OTULIN: variants seen among roughly 807,000 people sequenced by gnomAD.
OTULIN encodes OTU deubiquitinase with linear linkage specificity.
A neutral mutation model predicts 39.6 loss-of-function variants in OTULIN; 15 were observed. The ratio of observed to expected loss-of-function variants is 0.38; its 90% CI spans 0.25 to 0.58. The LOEUF is 0.58. Ranked by LOEUF, OTULIN falls within the 20% of genes least tolerant of loss-of-function variation. The pLI is 0.66. For missense variants in OTULIN, 319 were observed against 445.9 expected (o/e 0.72, Z 2.56); for synonymous variants, 156 against 170.3 (o/e 0.92, Z 0.65).
chr5:14,676,394 TG>T (rs1736105213), intron 2 of OTULIN, among the ~76,000 whole-genome samples: 1 of 152,260 alleles, frequency 6.6e-6, no homozygotes, highest in African/African-American at 2.4e-5. Flanking sequence ...GCTCCTAGCC[TG>T]GTACCTGGCA....
chr5:14,715,922 C>T, the OTULIN span, among the ~76,000 whole-genome samples: 85 of 152,372 alleles, frequency 5.6e-4, no homozygotes, highest in Non-Finnish European at 1.0e-3. Context: ...GCCTCAGGTT[C>T]CCCTGGAGTC....
At chr5:14,713,028 C>T in the OTULIN span, 2 of 1,523,504 alleles carry the variant, frequency 1.3e-6, no homozygotes, top group Admixed American at 3.7e-5. The surrounding 1 kb of genome is among the most constrained non-coding windows in gnomAD (Gnocchi z 4.4). Flanking sequence ...CAAGGCACAA[C>T]CGTCGATGCC....
intron 3 of OTULIN, among the ~76,000 whole-genome samples, chr5:14,680,159 G>A (rs1268036276): frequency 6.6e-6 from 1 of 152,196 alleles, no homozygotes; most frequent in Non-Finnish European, 1.5e-5. Flanking sequence ...ATTTGCATAA[G>A]TATTCTGGGG....
rs575905531 is a variant in OTULIN, at chr5:14,698,331, C to T, written c.*5283C>T. 11 of 152,376 alleles carry T rather than the reference C, an allele frequency of 7.2e-5. No homozygotes were observed. In the East Asian group the frequency reaches 2.1e-3, roughly 29 times the overall value. 9.4% of individuals were successfully genotyped at this position (152,376 alleles called of 1,614,324 possible). A position where few individuals can be genotyped will look rare whatever the true frequency, so the allele number is the denominator to read the frequency against. ...TTGTTTAGCAGTGCCTCTGTTTACA[C>T]CATAAGATGTTCCGCATGTGTCCAA... On this transcript the variant is annotated 3_prime_UTR_variant, in exon 7 of 7. Coordinates refer to ENST00000284274, the MANE Select transcript of OTULIN (RefSeq NM_138348.6).
intron 1 of OTULIN, 49 bp from the exon 2 acceptor site, chr5:14,673,593 A>G: frequency 6.4e-7 from 1 of 1,559,140 alleles, no homozygotes; most frequent in Admixed American, 1.7e-5. Flanking sequence ...AGGACGGAAA[A>G]TGTCAGTGCA....
At chr5:14,685,599 G>C (rs913664481) in intron 4 of OTULIN, among the ~76,000 whole-genome samples, 3 of 152,072 alleles carry the variant, frequency 2.0e-5, no homozygotes, top group Non-Finnish European at 4.4e-5. Context: ...TGCATTTCCT[G>C]GAAGTCTACA....
chr5:14,692,694 T>TA (rs58615359), intron 6 of OTULIN, among the ~76,000 whole-genome samples, 160 bp from the exon 7 acceptor site: 3 of 151,654 alleles, frequency 2.0e-5, no homozygotes, highest in Non-Finnish European at 4.4e-5. Context: ...TTTTTTTTTT[T>TA]ATTTAAATCG....
chr5:14,685,264 A>G lies in OTULIN; in HGVS notation c.469-2257A>G, dbSNP rs573302905. Among the ~76,000 whole-genome samples the G allele has an allele frequency of 1.1e-4, 16 of 152,326 alleles. No homozygotes were observed. In the South Asian group the frequency reaches 2.3e-3, roughly 22 times the overall value. ...GCTTTCTGTTGTGGTATCAAGAATT[A>G]CCGGCATATGCTAGAGAAAACAGGC... On this transcript the variant is annotated intron_variant, in intron 4 of 6. Coordinates refer to ENST00000284274, the MANE Select transcript of OTULIN (RefSeq NM_138348.6).
intron 4 of OTULIN, among the ~76,000 whole-genome samples, chr5:14,682,232 A>C (rs1736268932): frequency 6.6e-6 from 1 of 152,256 alleles, no homozygotes; most frequent in African/African-American, 2.4e-5. Flanking sequence ...CTATCCTGAA[A>C]GATTTTTTGG....
chr5:14,686,177 A>G (rs1449327447), intron 4 of OTULIN, among the ~76,000 whole-genome samples: 1 of 152,234 alleles, frequency 6.6e-6, no homozygotes, highest in Admixed American at 6.5e-5. Flanking sequence ...GTACCACCAG[A>G]ATTACTATTT....
intron 2 of OTULIN, among the ~76,000 whole-genome samples, chr5:14,676,855 C>G (rs1308863363): frequency 6.6e-6 from 1 of 152,108 alleles, no homozygotes; most frequent in Non-Finnish European, 1.5e-5. Context: ...ATGCTTCCAT[C>G]CACTAAGTAG....
chr5:14,676,590 C>A (rs1269627583), intron 2 of OTULIN, among the ~76,000 whole-genome samples: 1 of 152,232 alleles, frequency 6.6e-6, no homozygotes, highest in Admixed American at 6.5e-5. Flanking sequence ...TGCCTCCTCC[C>A]CTCAGTCATG....
At chr5:14,679,273 G>A (rs1322179407) in intron 3 of OTULIN, among the ~76,000 whole-genome samples, 1 of 152,138 alleles carries the variant, frequency 6.6e-6, no homozygotes, top group Non-Finnish European at 1.5e-5. Flanking sequence ...GATGACATTG[G>A]AGATTCATAT....
In OTULIN at chr5:14,693,109, T is replaced by C; in HGVS notation, c.*61T>C. On this transcript the variant is annotated 3_prime_UTR_variant, in exon 7 of 7. Coordinates refer to ENST00000284274, the MANE Select transcript of OTULIN (RefSeq NM_138348.6). ...AAGATGCACAGGTGGCTCCTGGGCT[T>C]GGGCTGCAGGTTTGGGGGTCTCTAA... The C allele has an allele frequency of 1.3e-6, 2 of 1,496,176 alleles. No homozygotes were observed. The highest frequency in any genetic ancestry group is 5.0e-5 in the East Asian group (2 of 40,330). The allele number at this position is 1,496,176 out of a possible 1,614,324, so 92.7% of individuals were successfully genotyped here. A position where few individuals can be genotyped will look rare whatever the true frequency, so the allele number is the denominator to read the frequency against.
At chr5:14,712,257 CT>C in the OTULIN span, among the ~76,000 whole-genome samples, 1 of 152,266 alleles carries the variant, frequency 6.6e-6, no homozygotes, top group Admixed American at 6.5e-5. Context: ...GGCCGTCACT[CT>C]GCTGCCCCGG....
intron 2 of OTULIN, among the ~76,000 whole-genome samples, chr5:14,677,690 G>A (rs1412844308): frequency 6.6e-6 from 1 of 152,084 alleles, no homozygotes; most frequent in Non-Finnish European, 1.5e-5. Flanking sequence ...GTTAGAGTCA[G>A]GTGAGGTCTG....
rs1318529887 is a variant in OTULIN, at chr5:14,693,686, T to C, written c.*638T>C. On this transcript the variant is annotated 3_prime_UTR_variant, in exon 7 of 7. Transcript: ENST00000284274. ...ACTTACATCTTAATTAAGGCTATTTTAAGCAGATTGTTTTGCAACAGATTA... is the reference window on the plus strand; with the variant it reads ...ACTTACATCTTAATTAAGGCTATTTCAAGCAGATTGTTTTGCAACAGATTA... 3 of 152,374 alleles carry C rather than the reference T, an allele frequency of 2.0e-5. No homozygotes were observed. Among genetic ancestry groups the C allele is most frequent in the African/African-American group, 4.8e-5 (2 of 41,600 alleles). 9.4% of individuals were successfully genotyped at this position (152,374 alleles called of 1,614,324 possible). A position where few individuals can be genotyped will look rare whatever the true frequency, so the allele number is the denominator to read the frequency against.
intron 6 of OTULIN, among the ~76,000 whole-genome samples, chr5:14,691,193 C>T (rs1031459775): frequency 1.3e-5 from 2 of 152,198 alleles, no homozygotes; most frequent in African/African-American, 4.8e-5. Flanking sequence ...TAGCCAACCG[C>T]TAAAGTAGCA....
chr5:14,701,176 C>G (rs1439942212), downstream of OTULIN, among the ~76,000 whole-genome samples: 2 of 152,234 alleles, frequency 1.3e-5, no homozygotes, highest in African/African-American at 2.4e-5. Flanking sequence ...GTCCCCGGCT[C>G]AGGGCCTTCC....
Sources: allele counts gnomAD v4.1 joint callset (sites outside exome capture counted in the v4.1 genomes callset), GRCh38; gene constraint gnomAD v4.1.1; non-coding constraint Gnocchi (gnomAD v3.1); transcripts MANE v1.5; gene names NCBI Gene and HGNC (gene_info 2026-07-23, HGNC 2026-07-21).